Variants in JARID2 observed in about 807,000 individuals in gnomAD.
JARID2 encodes the protein protein Jumonji.
JARID2 carries 21 observed loss-of-function variants against 125.6 expected under a neutral mutation model. The ratio of observed to expected loss-of-function variants is 0.17; its 90% CI spans 0.12 to 0.24. The LOEUF is 0.24. Among genes scored for constraint, JARID2 ranks in the 10% least tolerant of loss-of-function variants. JARID2 has a pLI of 1.00. For synonymous variants in JARID2, 736 were observed against 661.6 expected, an observed-to-expected ratio of 1.11 and a Z score of -1.73; for missense variants, 1,303 against 1,639.6, an observed-to-expected ratio of 0.79 and a Z score of 3.55.
Position 15,516,345 on chromosome 6 carries a change from T to A in JARID2, c.3451-816T>A, listed in dbSNP as rs114461309. Reference sequence around the variant, plus strand: ...CTCAGAATTAGAATAGGACTTGGAGTCAGCGTGAAGTATGGGAGCCCTCCG... The same window carrying A: ...CTCAGAATTAGAATAGGACTTGGAGACAGCGTGAAGTATGGGAGCCCTCCG... On this transcript the variant is annotated intron_variant, in intron 16 of 17. Transcript: ENST00000341776. Among the ~76,000 whole-genome samples the A allele has an allele frequency of 6.8e-3, 1,036 of 152,236 alleles. 17 individuals carry two copies. Among genetic ancestry groups the A allele is most frequent in the African/African-American group, 0.023 (959 of 41,524 alleles).
At chr6:15,264,416 T>C (rs1369753444) in intron 1 of JARID2, among the ~76,000 whole-genome samples, 1 of 152,194 alleles carries the variant, frequency 6.6e-6, no homozygotes, top group Non-Finnish European at 1.5e-5. Context: ...TCTTTACTAA[T>C]GGTATTAATC....
intron 1 of JARID2, among the ~76,000 whole-genome samples, chr6:15,261,724 A>G (rs934480595): frequency 6.6e-6 from 1 of 151,736 alleles, no homozygotes; most frequent in Admixed American, 6.6e-5. Flanking sequence ...TACTGAATTT[A>G]CTTTTGTACT....
intron 5 of JARID2, among the ~76,000 whole-genome samples, chr6:15,477,193 G>C (rs1242084073): frequency 1.3e-5 from 2 of 152,084 alleles, no homozygotes; most frequent in Non-Finnish European, 2.9e-5. Context: ...TGTTGTGTAA[G>C]GGCCAAAAAG....
intron 1 of JARID2, among the ~76,000 whole-genome samples, chr6:15,356,972 C>A (rs1160873236): frequency 6.6e-6 from 1 of 152,060 alleles, no homozygotes; most frequent in African/African-American, 2.4e-5. Flanking sequence ...TGAGAGTGCA[C>A]CACTGCACTC....
chr6:15,374,928 C>A (rs1764295283), intron 2 of JARID2, among the ~76,000 whole-genome samples: 1 of 152,170 alleles, frequency 6.6e-6, no homozygotes, highest in East Asian at 1.9e-4. Flanking sequence ...TCTATAATCC[C>A]CTGTGTACTT....
intron 11 of JARID2, 99 bp downstream of exon 11, chr6:15,507,515 A>AG (rs1163604162): frequency 1.6e-5 from 15 of 942,694 alleles, no homozygotes; most frequent in Non-Finnish European, 2.3e-5. Flanking sequence ...ACTGCCGGGG[A>AG]GGGATGGCGT....
intron 1 of JARID2, among the ~76,000 whole-genome samples, chr6:15,365,430 G>A (rs765760237): frequency 1.3e-5 from 2 of 152,170 alleles, no homozygotes; most frequent in African/African-American, 2.4e-5. Flanking sequence ...GCGTGCGGAC[G>A]TCTTGCTGCC....
At chr6:15,332,486 T>C (rs1762740872) in intron 1 of JARID2, among the ~76,000 whole-genome samples, 1 of 152,214 alleles carries the variant, frequency 6.6e-6, no homozygotes, top group East Asian at 1.9e-4. Flanking sequence ...GAGCAATATT[T>C]AATAGCTCTG....
At position 15,295,728 on chromosome 6, in the gene JARID2, A is replaced by T. The variant is rs894049273; in HGVS notation, c.45+49144A>T. Among the ~76,000 whole-genome samples, 8 of 152,090 alleles carry T rather than the reference A, an allele frequency of 5.3e-5. No homozygotes were observed. The East Asian group carries it at 1.5e-3, about 29-fold the overall frequency. On this transcript the variant is annotated intron_variant, in intron 1 of 17. Coordinates refer to ENST00000341776, the MANE Select transcript of JARID2 (RefSeq NM_004973.4). Reference sequence around the variant, plus strand: ...ACCTAAGCTGCAGTAGAGTGGCACAACCTCGGTTTACTGCAACCTCTGCCT... The same window carrying T: ...ACCTAAGCTGCAGTAGAGTGGCACATCCTCGGTTTACTGCAACCTCTGCCT...
At chr6:15,366,726 G>A (rs1763992639) in intron 1 of JARID2, among the ~76,000 whole-genome samples, 1 of 152,096 alleles carries the variant, frequency 6.6e-6, no homozygotes, top group Non-Finnish European at 1.5e-5. Flanking sequence ...AGCCTTTGAT[G>A]TCCTGTGCCC....
intron 1 of JARID2, among the ~76,000 whole-genome samples, chr6:15,325,462 C>A (rs1050515558): frequency 1.3e-5 from 2 of 152,138 alleles, no homozygotes; most frequent in Non-Finnish European, 2.9e-5. Flanking sequence ...ACAGCTTGTC[C>A]TGAATTTAGC....
At chr6:15,463,446 C>T (rs10561643) in intron 4 of JARID2, among the ~76,000 whole-genome samples, 1,088 of 10,176 alleles carry the variant, frequency 0.11, 151 homozygotes, top group African/African-American at 0.19. Context: ...TTTTTTTTTT[C>T]CGAGGTGGAG....
chr6:15,326,306 T>C lies in JARID2; in HGVS notation c.46-47811T>C, dbSNP rs371319634. Among the ~76,000 whole-genome samples the C allele has an allele frequency of 1.2e-4, 19 of 152,266 alleles. No individual in the cohort carries two copies. The East Asian group carries it at 2.9e-3, about 23-fold the overall frequency. On this transcript the variant is annotated intron_variant, in intron 1 of 17. Transcript: ENST00000341776. The stretch of plus-strand genomic sequence containing the variant: ...CTGTGACCTCAAACACCTGGGCTTA[T>C]GCAATACTCTCGCCTCAGCCTTCTC...
intron 3 of JARID2, among the ~76,000 whole-genome samples, chr6:15,442,692 A>G (rs937726087): frequency 2.0e-5 from 3 of 152,178 alleles, no homozygotes; most frequent in Admixed American, 6.5e-5. Context: ...GACAGAACAA[A>G]AGGGCTTTGT....
chr6:15,356,857 A>G (rs1394337729), intron 1 of JARID2, among the ~76,000 whole-genome samples: 1 of 152,096 alleles, frequency 6.6e-6, no homozygotes, highest in African/African-American at 2.4e-5. Context: ...TCTATTAAAA[A>G]TACAACATTA....
intron 1 of JARID2, among the ~76,000 whole-genome samples, chr6:15,319,745 A>C (rs62395374): frequency 6.6e-6 from 1 of 152,140 alleles, no homozygotes; most frequent in African/African-American, 2.4e-5. Context: ...GAAGCAGGAA[A>C]AGTTTAACCT....
chr6:15,520,063 A>G lies in JARID2; in HGVS notation c.3559-6A>G, dbSNP rs926769765. The stretch of plus-strand genomic sequence containing the variant: ...TTAACTGTGTCTTCCTTTCACCCCC[A>G]AACAGGAACAGATTATCAGTCTGGT... On this transcript the variant is annotated splice_polypyrimidine_tract_variant and splice_region_variant and intron_variant, in intron 17 of 17. Transcript: ENST00000341776. The G allele has an allele frequency of 3.1e-6, 5 of 1,608,808 alleles. No homozygotes were observed. In the African/African-American group the frequency reaches 5.4e-5, roughly 17 times the overall value.
At chr6:15,428,858 A>T (rs1480788209) in intron 3 of JARID2, among the ~76,000 whole-genome samples, 2 of 150,816 alleles carry the variant, frequency 1.3e-5, no homozygotes, top group Non-Finnish European at 3.0e-5. Context: ...GTGAGTTGAG[A>T]TAGCACCACT....
At chr6:15,317,227 T>A (rs1216199298) in intron 1 of JARID2, among the ~76,000 whole-genome samples, 1 of 152,216 alleles carries the variant, frequency 6.6e-6, no homozygotes, top group African/African-American at 2.4e-5. Context: ...GAAATAGCTC[T>A]GAGGACCAGT....
Sources: gnomAD v4.1 joint callset for allele counts (sites outside exome capture counted in the v4.1 genomes callset) on GRCh38, gnomAD v4.1.1 for gene constraint, MANE v1.5 for transcripts, NCBI Gene and HGNC (gene_info 2026-07-23, HGNC 2026-07-21) for gene names.